FRMD4B: variants seen among roughly 807,000 people sequenced by gnomAD.
FRMD4B encodes FERM domain-containing protein 4B.
In FRMD4B, 74 loss-of-function variants were observed where a neutral mutation model predicts 141.5. The ratio of observed to expected loss-of-function variants is 0.52; its 90% CI spans 0.43 to 0.63. The LOEUF is 0.63. FRMD4B is among the 30% of genes least tolerant of loss of function. The probability of loss-of-function intolerance (pLI) is 0.00; values close to 1 mark genes in which losing one functional copy is unlikely to be tolerated. For missense variants in FRMD4B, 1,366 were observed against 1,253.4 expected (o/e 1.09, Z -1.36); for synonymous variants, 506 against 467.9 (o/e 1.08, Z -1.05).
At chr3:69,314,912 C>T (rs1486755841) in intron 1 of FRMD4B, among the ~76,000 whole-genome samples, 2 of 152,058 alleles carry the variant, frequency 1.3e-5, no homozygotes, top group Non-Finnish European at 2.9e-5. Flanking sequence ...ACCTATAGTC[C>T]CAGCTACTCA....
intron 17 of FRMD4B, among the ~76,000 whole-genome samples, chr3:69,191,005 C>T (rs1054785731): frequency 6.6e-6 from 1 of 152,234 alleles, no homozygotes; most frequent in African/African-American, 2.4e-5. Context: ...CCTAGCCCAG[C>T]TCCCAGCATT....
chr3:69,363,538 T>C (rs1647157575), intron 1 of FRMD4B, among the ~76,000 whole-genome samples: 2 of 151,918 alleles, frequency 1.3e-5, no homozygotes, highest in South Asian at 2.1e-4. Context: ...TACAGGCGCC[T>C]GCCACCACGC....
intron 5 of FRMD4B, among the ~76,000 whole-genome samples, chr3:69,263,645 T>A (rs2093542378): frequency 6.6e-6 from 1 of 150,566 alleles, no homozygotes; most frequent in South Asian, 2.1e-4. Context: ...CTCTTGGGCT[T>A]AAGCAATCCA....
chr3:69,221,947 G>C (rs896860851), intron 8 of FRMD4B, 24 bp from the exon 9 acceptor site: 3 of 1,208,396 alleles, frequency 2.5e-6, no homozygotes, highest in African/African-American at 3.0e-5. Context: ...AAATGAGAAG[G>C]ATTGCAATGC....
intron 1 of FRMD4B, among the ~76,000 whole-genome samples, chr3:69,508,234 A>G (rs1047424297): frequency 6.6e-6 from 1 of 152,228 alleles, no homozygotes; most frequent in Non-Finnish European, 1.5e-5. Flanking sequence ...CATAAGAAAA[A>G]AATAAAAACT....
chr3:69,440,210 T>C (rs1433539311), intron 1 of FRMD4B, among the ~76,000 whole-genome samples: 1 of 152,256 alleles, frequency 6.6e-6, no homozygotes, highest in African/African-American at 2.4e-5. Context: ...AAGTTTTTAA[T>C]CCATCTCACA....
intron 1 of FRMD4B, among the ~76,000 whole-genome samples, chr3:69,505,521 T>C (rs1424761740): frequency 6.6e-6 from 1 of 152,216 alleles, no homozygotes; most frequent in African/African-American, 2.4e-5. Context: ...TGGCAGATAG[T>C]CTCTTTAAAG....
chr3:69,468,521 G>A (rs1705830861), intron 1 of FRMD4B, among the ~76,000 whole-genome samples: 1 of 152,122 alleles, frequency 6.6e-6, no homozygotes, highest in Admixed American at 6.6e-5. Context: ...CAGTAACAGG[G>A]TCAGAAATGC....
chr3:69,507,683 T>G (rs776366452), intron 1 of FRMD4B, among the ~76,000 whole-genome samples: 1 of 152,172 alleles, frequency 6.6e-6, no homozygotes, highest in African/African-American at 2.4e-5. Context: ...ATTTTGATTT[T>G]TAGAAAGGGG....
chr3:69,169,375 T>TTTTTTTTTTTTTTTC lies in FRMD4B; in HGVS notation c.*2485_*2486insGAAAAAAAAAAAAAA, dbSNP rs1553691449. Among the ~76,000 whole-genome samples, 6 of 124,608 alleles carry TTTTTTTTTTTTTTTC rather than the reference T, an allele frequency of 4.8e-5. 2 individuals are homozygous for TTTTTTTTTTTTTTTC. The highest frequency in any genetic ancestry group is 5.8e-5 in the African/African-American group (2 of 34,328). 81.7% of individuals were successfully genotyped at this position (124,608 alleles called of 152,430 possible). On this transcript the variant is annotated 3_prime_UTR_variant, in exon 23 of 23. Transcript: ENST00000398540. ...TTTCTTTTTTTTTTTTTTTTTTTTT[T>TTTTTTTTTTTTTTTC]CTTGAGACAAGGTCTGTTATTGCCT...
rs143788582 is a variant in FRMD4B, at chr3:69,190,736, A to G, written c.1715-784T>C. ...GGCCAAGCTTTTCAACAGGTTTCTCAACAGTGGCACTACTGACATTTTGAA... is the reference window on the plus strand; with the variant it reads ...GGCCAAGCTTTTCAACAGGTTTCTCGACAGTGGCACTACTGACATTTTGAA... On this transcript the variant is annotated intron_variant, in intron 17 of 22. Coordinates refer to ENST00000398540, the MANE Select transcript of FRMD4B (RefSeq NM_015123.3). Among the ~76,000 whole-genome samples, 776 of 152,246 alleles carry G rather than the reference A, an allele frequency of 5.1e-3. 10 individuals carry two copies. Among genetic ancestry groups the G allele is most frequent in the African/African-American group, 0.018 (749 of 41,552 alleles).
chr3:69,277,859 C>CT (rs57048532), intron 5 of FRMD4B, among the ~76,000 whole-genome samples: 1 of 147,722 alleles, frequency 6.8e-6, no homozygotes. Context: ...TTCTTTCTTT[C>CT]TTTTTTTTTT....
At chr3:69,515,500 G>A (rs776462211) in intron 1 of FRMD4B, among the ~76,000 whole-genome samples, 1 of 152,116 alleles carries the variant, frequency 6.6e-6, no homozygotes, top group Non-Finnish European at 1.5e-5. Flanking sequence ...GTATCAGTAT[G>A]GACTCATGGG....
intron 1 of FRMD4B, among the ~76,000 whole-genome samples, chr3:69,438,989 T>A (rs1158363390): frequency 2.0e-5 from 3 of 152,208 alleles, no homozygotes; most frequent in Non-Finnish European, 4.4e-5. Flanking sequence ...TCCAGTCCAA[T>A]TCTTTCTTCA....
intron 1 of FRMD4B, among the ~76,000 whole-genome samples, chr3:69,489,477 A>C (rs1706270129): frequency 6.6e-6 from 1 of 152,170 alleles, no homozygotes; most frequent in African/African-American, 2.4e-5. Flanking sequence ...TAGTAGGTAC[A>C]TGAAAAGATG....
chr3:69,443,257 A>T (rs1038259072), intron 1 of FRMD4B, among the ~76,000 whole-genome samples: 5 of 152,166 alleles, frequency 3.3e-5, no homozygotes, highest in Admixed American at 3.3e-4. Context: ...AACCCTGAAC[A>T]ATGGGGTTTG....
At chr3:69,366,173 T>C (rs1703646340) in intron 1 of FRMD4B, among the ~76,000 whole-genome samples, 1 of 151,022 alleles carries the variant, frequency 6.6e-6, no homozygotes, top group African/African-American at 2.4e-5. Flanking sequence ...GGCAGGAGAA[T>C]TGTTTGAACC....
intron 2 of FRMD4B, among the ~76,000 whole-genome samples, chr3:69,411,965 C>T (rs1041229732): frequency 1.3e-5 from 2 of 152,208 alleles, no homozygotes; most frequent in African/African-American, 2.4e-5. Context: ...TACCCACTTG[C>T]TAATCTAGCT....
intron 11 of FRMD4B, among the ~76,000 whole-genome samples, chr3:69,213,775 A>G (rs770875108): frequency 6.0e-5 from 9 of 150,402 alleles, no homozygotes; most frequent in Middle Eastern, 3.4e-3. Flanking sequence ...TGATCCTTCT[A>G]CCTCAGCCTC....
Sources: allele counts gnomAD v4.1 joint callset (sites outside exome capture counted in the v4.1 genomes callset), GRCh38; gene constraint gnomAD v4.1.1; transcripts MANE v1.5; gene names NCBI Gene and HGNC (gene_info 2026-07-23, HGNC 2026-07-21).